The following KIAA1217 variants were observed in gnomAD, a reference collection of about 807,000 sequenced individuals.
KIAA1217 encodes the protein KIAA1217.
Under a neutral mutation model 163.9 loss-of-function variants are expected in KIAA1217, and 88 were observed. The observed-to-expected ratio is 0.54, with a 90% CI of 0.45 to 0.64. KIAA1217 has a LOEUF of 0.64. Among genes scored for constraint, KIAA1217 ranks in the 30% least tolerant of loss-of-function variants. The pLI is 0.00. For synonymous variants in KIAA1217, 903 were observed against 923.1 expected (o/e 0.98, Z 0.39); for missense variants, 2,372 against 2,475.0 (o/e 0.96, Z 0.88).
rs149414430 is a variant in KIAA1217, at chr10:24,525,103, C to T, written c.2898+339C>T. Among the ~76,000 whole-genome samples the T allele has an allele frequency of 9.9e-4, 151 of 152,168 alleles. 1 individual carries two copies. The East Asian group carries it at 0.025, about 25-fold the overall frequency. On this transcript the variant is annotated intron_variant, in intron 13 of 20. Transcript: ENST00000376454. ...GCGGGGTGGGGGGGCAGAGTGGGTG[C>T]GTGCAGATCTGTGTGTGGCATTTGC... is the stretch of plus-strand genomic sequence containing the variant.
At chr10:24,024,137 T>C (rs1246721832) in intron 2 of KIAA1217, among the ~76,000 whole-genome samples, 2 of 151,728 alleles carry the variant, frequency 1.3e-5, no homozygotes, top group Non-Finnish European at 1.5e-5. Flanking sequence ...ATCAGCTTTA[T>C]TGAGCTATAA....
At chr10:24,032,798 T>C (rs1024211971) in intron 2 of KIAA1217, among the ~76,000 whole-genome samples, 4 of 152,184 alleles carry the variant, frequency 2.6e-5, no homozygotes, top group African/African-American at 9.7e-5. Flanking sequence ...CGTTCAATAA[T>C]ATCTCTGGAG....
Position 23,701,087 on chromosome 10 carries a change from G to A in KIAA1217, c.-321+5853G>A, listed in dbSNP as rs143484681. The stretch of plus-strand genomic sequence containing the variant: ...TGAAACCATGCACATTGAGTGTTTA[G>A]CACAGCGTCTGGCACTTGGTACATG... On this transcript the variant is annotated intron_variant, in intron 1 of 18. Transcript: ENST00000376462. 5.1e-4 allele frequency among the ~76,000 whole-genome samples: 78 copies of A among 152,272 alleles called. No individual in the cohort carries two copies. In the Middle Eastern group the frequency reaches 0.01, roughly 20 times the overall value.
intron 1 of KIAA1217, among the ~76,000 whole-genome samples, chr10:23,724,018 A>G (rs1838003925): frequency 6.6e-6 from 1 of 152,182 alleles, no homozygotes. Context: ...AGCAGAGACA[A>G]GAGAAAGCAA....
intron 1 of KIAA1217, among the ~76,000 whole-genome samples, chr10:23,970,000 AT>A (rs142651183): frequency 0.011 from 1,699 of 152,240 alleles, 32 homozygotes; most frequent in African/African-American, 0.038. Context: ...CTCTTGTGAG[AT>A]TTACTCACTA....
chr10:24,122,509 GT>G (rs2063320948), intron 2 of KIAA1217, among the ~76,000 whole-genome samples: 1 of 152,154 alleles, frequency 6.6e-6, no homozygotes, highest in Admixed American at 6.5e-5. Flanking sequence ...GAGAACAAAT[GT>G]ACTGCTACCA....
intron 2 of KIAA1217, among the ~76,000 whole-genome samples, chr10:24,335,936 A>G (rs992795295): frequency 6.6e-6 from 1 of 152,244 alleles, no homozygotes; most frequent in African/African-American, 2.4e-5. Flanking sequence ...AAATGGGTAC[A>G]TTTGGCTGAG....
chr10:23,993,552 G>GTTTTTTTTTTTTTTTTTTTT (rs1564594837), intron 1 of KIAA1217, among the ~76,000 whole-genome samples: 1 of 39,434 alleles, frequency 2.5e-5, no homozygotes, highest in African/African-American at 1.6e-4. Context: ...CCATAGCCCA[G>GTTTTTTTTTTTTTTTTTTTT]CTTTTTTTTT....
chr10:23,862,595 A>G (rs532667186), intron 1 of KIAA1217, among the ~76,000 whole-genome samples: 2 of 152,272 alleles, frequency 1.3e-5, no homozygotes, highest in East Asian at 3.9e-4. Context: ...TTTTATCCAA[A>G]CAGATTGAAA....
At chr10:23,842,986 A>G (rs966299137) in intron 1 of KIAA1217, among the ~76,000 whole-genome samples, 4 of 152,180 alleles carry the variant, frequency 2.6e-5, no homozygotes, top group Non-Finnish European at 4.4e-5. Context: ...TTTTGAGAGT[A>G]TTTCTAAAAG....
intron 2 of KIAA1217, among the ~76,000 whole-genome samples, chr10:24,272,984 A>G (rs371151645): frequency 6.6e-6 from 1 of 152,228 alleles, no homozygotes; most frequent in African/African-American, 2.4e-5. Flanking sequence ...GGGGACTCTC[A>G]TTGCGTAAAA....
chr10:24,319,993 T>A (rs1254703404), intron 2 of KIAA1217, among the ~76,000 whole-genome samples: 1 of 152,210 alleles, frequency 6.6e-6, no homozygotes, highest in Non-Finnish European at 1.5e-5. Flanking sequence ...AAAGGTGGCA[T>A]AATTAGCATA....
intron 1 of KIAA1217, among the ~76,000 whole-genome samples, chr10:23,874,877 G>A (rs1288197496): frequency 6.6e-6 from 1 of 152,038 alleles, no homozygotes; most frequent in Non-Finnish European, 1.5e-5. Flanking sequence ...ATAAGGAAAA[G>A]AGGTTTATTT....
At chr10:24,435,817 G>A (rs1158123137) in intron 4 of KIAA1217, among the ~76,000 whole-genome samples, 1 of 151,902 alleles carries the variant, frequency 6.6e-6, no homozygotes, top group African/African-American at 2.4e-5. Flanking sequence ...TGATATTTGT[G>A]AAAATGATGA....
At chr10:23,916,281 G>A (rs949809502) in intron 1 of KIAA1217, among the ~76,000 whole-genome samples, 2 of 152,094 alleles carry the variant, frequency 1.3e-5, no homozygotes, top group Admixed American at 6.5e-5. Context: ...TTTCAATTAC[G>A]GCTTTCAAAG....
chr10:24,220,869 T>C (rs1185202390), intron 2 of KIAA1217, among the ~76,000 whole-genome samples: 1 of 148,728 alleles, frequency 6.7e-6, no homozygotes, highest in Non-Finnish European at 1.5e-5. Flanking sequence ...CAAGATCCTC[T>C]CATCTCAGCC....
chr10:23,937,952 G>A (rs1843603072), intron 1 of KIAA1217, among the ~76,000 whole-genome samples: 1 of 152,176 alleles, frequency 6.6e-6, no homozygotes, highest in South Asian at 2.1e-4. Flanking sequence ...GAGAGGAATT[G>A]CTGAGCTAAG....
rs2074061653 is a variant in KIAA1217 at position 24,536,673 on chromosome 10, C to T, written c.3415-101C>T. 5 of 1,270,512 alleles carry T rather than the reference C, an allele frequency of 3.9e-6. No individual in the cohort carries two copies. In the South Asian group the frequency reaches 4.3e-5, roughly 11 times the overall value. The allele number at this position is 1,270,512 out of a possible 1,614,324, so 78.7% of individuals were successfully genotyped here. Reference sequence around the variant, plus strand: ...CCTGGCCTAAACCTGCGTGCAGGACCCGGGTTGGGGTCCACAAGCGTCTGG... The same window carrying T: ...CCTGGCCTAAACCTGCGTGCAGGACTCGGGTTGGGGTCCACAAGCGTCTGG... On this transcript the variant is annotated intron_variant, in intron 16 of 20. Coordinates refer to ENST00000376454, the MANE Select transcript of KIAA1217 (RefSeq NM_019590.5).
chr10:24,185,900 G>A (rs890469438), intron 2 of KIAA1217, among the ~76,000 whole-genome samples: 1 of 152,004 alleles, frequency 6.6e-6, no homozygotes, highest in Non-Finnish European at 1.5e-5. Flanking sequence ...GGAGGCAGAG[G>A]TTGCAGTGAG....
Sources: gnomAD v4.1 joint callset for allele counts (sites outside exome capture counted in the v4.1 genomes callset) on GRCh38, gnomAD v4.1.1 for gene constraint, MANE v1.5 for transcripts, NCBI Gene and HGNC (gene_info 2026-07-23, HGNC 2026-07-21) for gene names.